METTL15: variants seen among roughly 807,000 people sequenced by gnomAD.
METTL15 encodes the protein 12S rRNA N(4)-cytidine methyltransferase METTL15.
Under a neutral mutation model 38.3 loss-of-function variants are expected in METTL15, and 34 were observed. The ratio of observed to expected loss-of-function variants is 0.89; its 90% CI spans 0.68 to 1.18. The LOEUF (loss-of-function observed/expected upper bound fraction) is 1.18. Ranked by LOEUF, METTL15 falls within the 50% of genes most tolerant of loss-of-function variation. The probability of loss-of-function intolerance (pLI) is 0.00; values close to 1 mark genes in which losing one functional copy is unlikely to be tolerated. For synonymous variants in METTL15, 162 were observed against 170.9 expected, an observed-to-expected ratio of 0.95 and a Z score of 0.41; for missense variants, 438 against 498.4, an observed-to-expected ratio of 0.88 and a Z score of 1.15.
At chr11:28,247,361 T>C (rs1854555571) in intron 4 of METTL15, among the ~76,000 whole-genome samples, 1 of 152,162 alleles carries the variant, frequency 6.6e-6, no homozygotes, top group Non-Finnish European at 1.5e-5. Context: ...ATATTTGAAA[T>C]TGTAGATATT....
chr11:28,375,934 C>T (rs1850306075), intron 5 of METTL15, among the ~76,000 whole-genome samples: 1 of 151,972 alleles, frequency 6.6e-6, no homozygotes, highest in African/African-American at 2.4e-5. Flanking sequence ...ACCCAGTAGT[C>T]ATTCAGGAGC....
At chr11:28,150,901 T>C (rs575669656) in intron 3 of METTL15, among the ~76,000 whole-genome samples, 58 of 151,278 alleles carry the variant, frequency 3.8e-4, no homozygotes, top group African/African-American at 1.2e-3. Flanking sequence ...TTGGAATAGA[T>C]GTAAGCACTC....
intron 5 of METTL15, among the ~76,000 whole-genome samples, chr11:28,375,869 T>G (rs2133379650): frequency 6.6e-6 from 1 of 151,950 alleles, no homozygotes; most frequent in East Asian, 1.9e-4. Flanking sequence ...ATGTTGTGTC[T>G]TTGTTCTCGT....
chr11:28,191,114 T>C (rs933250612), intron 3 of METTL15, among the ~76,000 whole-genome samples: 1 of 151,462 alleles, frequency 6.6e-6, no homozygotes, highest in Non-Finnish European at 1.5e-5. Flanking sequence ...AAATTGTTTT[T>C]TAGAATGGAA....
intron 5 of METTL15, among the ~76,000 whole-genome samples, chr11:28,373,683 G>A (rs1457285506): frequency 6.6e-6 from 1 of 152,156 alleles, no homozygotes; most frequent in Non-Finnish European, 1.5e-5. Context: ...AATCCCATTT[G>A]TCAATTTTGG....
chr11:28,474,527 C>G (rs4627062), intron 6 of METTL15, among the ~76,000 whole-genome samples: 147,966 of 152,250 alleles, frequency 0.97, 72,005 homozygotes, highest in East Asian at 1. Flanking sequence ...CAAAATCCAG[C>G]TTTTTTGGGA....
chr11:28,486,755 A>G (rs1271318426), intron 6 of METTL15, among the ~76,000 whole-genome samples: 1 of 152,182 alleles, frequency 6.6e-6, no homozygotes, highest in East Asian at 1.9e-4. Flanking sequence ...TCATTTTGCC[A>G]TGCCAGGATA....
rs1399874188 is a variant in METTL15 at position 28,469,100 on chromosome 11, G to T, written c.*424+44736G>T. Among the ~76,000 whole-genome samples, 30 of 152,248 alleles carry T rather than the reference G, an allele frequency of 2.0e-4. No individual in the cohort carries two copies. In the East Asian group the frequency reaches 5.4e-3, roughly 27 times the overall value. ...TTTATTTAGTCATTTGTGTGTGTAT[G>T]TGTGATCTTGCATTTTTAGTGCCAT... On this transcript the variant is annotated intron_variant and NMD_transcript_variant, in intron 6 of 7. Coordinates refer to the METTL15 transcript ENST00000532947.
chr11:28,379,364 A>C (rs946392042), intron 5 of METTL15, among the ~76,000 whole-genome samples: 2 of 152,060 alleles, frequency 1.3e-5, no homozygotes. Context: ...TGTCCCTCTT[A>C]GTACATCATT....
At chr11:28,414,330 C>T (rs1329673847) in intron 5 of METTL15, among the ~76,000 whole-genome samples, 1 of 151,852 alleles carries the variant, frequency 6.6e-6, no homozygotes, top group Non-Finnish European at 1.5e-5. Context: ...AGAGAAATAC[C>T]CTAACTTCTC....
At chr11:28,240,816 A>C (rs904388326) in intron 4 of METTL15, among the ~76,000 whole-genome samples, 1 of 152,212 alleles carries the variant, frequency 6.6e-6, no homozygotes, top group African/African-American at 2.4e-5. Context: ...AGCATAGGGG[A>C]TAGCCAAGTT....
At chr11:28,422,744 T>C (rs1850831529) in intron 5 of METTL15, among the ~76,000 whole-genome samples, 1 of 152,042 alleles carries the variant, frequency 6.6e-6, no homozygotes, top group Admixed American at 6.6e-5. Context: ...ATGAAACTGC[T>C]AATAGAAAAC....
chr11:28,210,899 G>A lies in METTL15; in HGVS notation c.271-163G>A, dbSNP rs190497525. Among the ~76,000 whole-genome samples, 741 of 152,146 alleles carry A rather than the reference G, an allele frequency of 4.9e-3. 3 individuals are homozygous for A. The highest frequency in any genetic ancestry group is 8.5e-3 in the Non-Finnish European group (576 of 67,920). ...AGACTTATCACTCATAATTGAGCCA[G>A]ATCTCACATGTAACAAATTCAACTA... On this transcript the variant is annotated intron_variant, in intron 3 of 6. Transcript: ENST00000407364.
chr11:28,153,568 T>C (rs1204927323), intron 3 of METTL15, among the ~76,000 whole-genome samples: 2 of 152,026 alleles, frequency 1.3e-5, no homozygotes, highest in African/African-American at 4.8e-5. Flanking sequence ...AAAAGAAAAA[T>C]TTGAGATACA....
At chr11:28,381,013 C>G (rs1295916208) in intron 5 of METTL15, among the ~76,000 whole-genome samples, 1 of 152,154 alleles carries the variant, frequency 6.6e-6, no homozygotes, top group East Asian at 1.9e-4. Context: ...TGTTTTGAGA[C>G]AGTGTCTTGG....
intron 4 of METTL15, among the ~76,000 whole-genome samples, chr11:28,241,602 A>C (rs571235256): frequency 7.2e-5 from 11 of 152,080 alleles, no homozygotes; most frequent in African/African-American, 2.7e-4. Flanking sequence ...GGGATTGTAG[A>C]TAAAGCTTTT....
chr11:28,294,372 T>C (rs1856648664), intron 5 of METTL15, among the ~76,000 whole-genome samples: 1 of 152,190 alleles, frequency 6.6e-6, no homozygotes, highest in South Asian at 2.1e-4. Context: ...TGTCAATTCC[T>C]GAAAGGAGAT....
chr11:28,492,573 C>T (rs1851505138), intron 6 of METTL15, among the ~76,000 whole-genome samples: 1 of 151,920 alleles, frequency 6.6e-6, no homozygotes, highest in African/African-American at 2.4e-5. Flanking sequence ...TGAATGCTGA[C>T]TTATTCCTAT....
chr11:28,142,487 A>G (rs1174182411), intron 3 of METTL15, among the ~76,000 whole-genome samples: 1 of 152,192 alleles, frequency 6.6e-6, no homozygotes, highest in Admixed American at 6.5e-5. Flanking sequence ...TTTATTGGAA[A>G]GTCAGATAAC....
Sources: allele counts gnomAD v4.1 joint callset (sites outside exome capture counted in the v4.1 genomes callset), GRCh38; gene constraint gnomAD v4.1.1; transcripts MANE v1.5; gene names NCBI Gene and HGNC (gene_info 2026-07-23, HGNC 2026-07-21).